The following CCDC146 variants were observed in gnomAD, a reference collection of about 807,000 sequenced individuals.
The protein encoded by CCDC146 is coiled-coil domain-containing protein 146.
CCDC146 carries 92 observed loss-of-function variants against 119.3 expected under a neutral mutation model. The ratio of observed to expected loss-of-function variants is 0.77; its 90% CI spans 0.65 to 0.92. The LOEUF (loss-of-function observed/expected upper bound fraction) is 0.92, where lower values mean the gene tolerates loss of function less well. CCDC146 is among the 40% of genes least tolerant of loss of function. The probability of loss-of-function intolerance (pLI) is 0.00; values close to 1 mark genes in which losing one functional copy is unlikely to be tolerated. For synonymous variants in CCDC146, 372 were observed against 371.8 expected (o/e 1.00, Z -0.01); for missense variants, 1,000 against 1,103.0 (o/e 0.91, Z 1.32).
intron 2 of CCDC146, among the ~76,000 whole-genome samples, chr7:77,203,815 A>G (rs1013526572): frequency 3.9e-5 from 6 of 152,152 alleles, no homozygotes; most frequent in Non-Finnish European, 8.8e-5. Context: ...TTTTAGATTT[A>G]AGCAAATTAT....
chr7:77,224,640 CA>C (rs1792470686), intron 2 of CCDC146, among the ~76,000 whole-genome samples: 1 of 152,128 alleles, frequency 6.6e-6, no homozygotes. Context: ...ATTACAGAAC[CA>C]AAAGCATCAT....
rs1791244809 is a variant in CCDC146, at chr7:77,160,510, T to C, written c.-11-7148T>C. 7.9e-5 allele frequency among the ~76,000 whole-genome samples: 12 copies of C among 152,180 alleles called. No homozygotes were observed. In the South Asian group the frequency reaches 2.5e-3, roughly 32 times the overall value. On this transcript the variant is annotated intron_variant, in intron 1 of 18. Coordinates refer to ENST00000285871, the MANE Select transcript of CCDC146 (RefSeq NM_020879.3). ...GTCCCTTGTAAGTTGGATTCCTAGGTATTTTATTCTCTTTGAAGCAATTGT... is the reference window on the plus strand; with the variant it reads ...GTCCCTTGTAAGTTGGATTCCTAGGCATTTTATTCTCTTTGAAGCAATTGT...
chr7:77,230,881 G>A (rs1388186007), intron 2 of CCDC146, among the ~76,000 whole-genome samples: 1 of 152,108 alleles, frequency 6.6e-6, no homozygotes, highest in Non-Finnish European at 1.5e-5. Context: ...CTGTTTGTGT[G>A]TCTTCATGCT....
At chr7:77,189,337 G>C (rs1465308719) in intron 2 of CCDC146, among the ~76,000 whole-genome samples, 2 of 152,056 alleles carry the variant, frequency 1.3e-5, no homozygotes, top group Non-Finnish European at 2.9e-5. Flanking sequence ...GCTGACCTTT[G>C]ATCAGCAAAT....
chr7:77,254,754 C>T (rs1793145747), intron 5 of CCDC146, among the ~76,000 whole-genome samples, 191 bp downstream of exon 5: 1 of 152,150 alleles, frequency 6.6e-6, no homozygotes, highest in African/African-American at 2.4e-5. Flanking sequence ...CTATTATAGA[C>T]TTTAGCAACT....
At chr7:77,185,353 G>A (rs532690703) in intron 2 of CCDC146, among the ~76,000 whole-genome samples, 9 of 152,098 alleles carry the variant, frequency 5.9e-5, no homozygotes, top group Non-Finnish European at 8.8e-5. Flanking sequence ...TTTGTGGACC[G>A]TTTGATAAAC....
At position 77,274,707 on chromosome 7, in the gene CCDC146, C is replaced by T. The variant is rs1259624009; in HGVS notation, c.1440+55C>T. On this transcript the variant is annotated intron_variant, in intron 11 of 18. Transcript: ENST00000285871. ...TAACTACAAGAGTTCAGGGTAGCCT[C>T]ATTATAATGCCACGTGCATTAGGAC... 5 of 1,355,636 alleles carry T rather than the reference C, an allele frequency of 3.7e-6. No homozygotes were observed. The African/African-American group carries it at 5.9e-5, about 16-fold the overall frequency. 84.0% of individuals were successfully genotyped at this position (1,355,636 alleles called of 1,614,324 possible). A position where few individuals can be genotyped will look rare whatever the true frequency, so the allele number is the denominator to read the frequency against.
intron 2 of CCDC146, among the ~76,000 whole-genome samples, chr7:77,173,175 C>T (rs1252323273): frequency 6.6e-6 from 1 of 151,968 alleles, no homozygotes; most frequent in South Asian, 2.1e-4. Context: ...TGGAACAAAC[C>T]TGCACATTCT....
At chr7:77,193,195 T>C (rs1386101245) in intron 2 of CCDC146, among the ~76,000 whole-genome samples, 1 of 152,190 alleles carries the variant, frequency 6.6e-6, no homozygotes, top group African/African-American at 2.4e-5. Context: ...ACTGAAACTT[T>C]TGTATTTCAA....
intron 4 of CCDC146, 99 bp downstream of exon 4, chr7:77,241,999 C>A: frequency 1.2e-6 from 1 of 860,188 alleles, no homozygotes; most frequent in Non-Finnish European, 1.8e-6. Context: ...TAGGAGATAG[C>A]AGTACGATGA....
intron 1 of CCDC146, among the ~76,000 whole-genome samples, chr7:77,147,115 A>G (rs189640606): frequency 2.8e-4 from 43 of 151,912 alleles, no homozygotes; most frequent in African/African-American, 9.9e-4. Flanking sequence ...GTTTCTTTTT[A>G]CTCTTTTTTC....
chr7:77,253,704 T>C (rs993824690), intron 4 of CCDC146, among the ~76,000 whole-genome samples: 1 of 152,208 alleles, frequency 6.6e-6, no homozygotes, highest in African/African-American at 2.4e-5. Flanking sequence ...TGATGAATAC[T>C]GTATAGAAAA....
chr7:77,198,946 G>C, intron 2 of CCDC146: 1 of 538,824 alleles, frequency 1.9e-6, no homozygotes, highest in Non-Finnish European at 3.2e-6. Context: ...TAACAAATAA[G>C]ATCTTAAAAT....
At chr7:77,252,002 A>G (rs1344138172) in intron 4 of CCDC146, among the ~76,000 whole-genome samples, 1 of 152,116 alleles carries the variant, frequency 6.6e-6, no homozygotes, top group Non-Finnish European at 1.5e-5. Context: ...TACAAATATT[A>G]GCTGGACGTG....
chr7:77,258,424 G>A (rs1170441146), intron 6 of CCDC146, among the ~76,000 whole-genome samples: 1 of 152,204 alleles, frequency 6.6e-6, no homozygotes, highest in South Asian at 2.1e-4. Flanking sequence ...TGTGAAAGCA[G>A]TATGCATTTA....
chr7:77,134,072 G>C (rs3114333), intron 1 of CCDC146, among the ~76,000 whole-genome samples: 30,209 of 151,750 alleles, frequency 0.2, 3,312 homozygotes, highest in Non-Finnish European at 0.21. Flanking sequence ...AAAAGTTGGC[G>C]CTCTTTACTG....
chr7:77,183,012 C>T (rs1316041356), intron 2 of CCDC146, among the ~76,000 whole-genome samples: 2 of 152,062 alleles, frequency 1.3e-5, no homozygotes, highest in African/African-American at 4.8e-5. Context: ...CTCAACACAG[C>T]CTAAAGGAAA....
intron 2 of CCDC146, among the ~76,000 whole-genome samples, chr7:77,184,721 T>G (rs1791637707): frequency 6.6e-6 from 1 of 152,212 alleles, no homozygotes; most frequent in Non-Finnish European, 1.5e-5. Flanking sequence ...TTGCCCTTTC[T>G]GTCATGGTTG....
chr7:77,237,318 C>A (rs1231356671), intron 3 of CCDC146, among the ~76,000 whole-genome samples: 1 of 152,168 alleles, frequency 6.6e-6, no homozygotes, highest in Non-Finnish European at 1.5e-5. Flanking sequence ...CAGCACTCTC[C>A]CACTGAAGAG....
Sources: gnomAD v4.1 joint callset for allele counts (sites outside exome capture counted in the v4.1 genomes callset) on GRCh38, gnomAD v4.1.1 for gene constraint, MANE v1.5 for transcripts, NCBI Gene and HGNC (gene_info 2026-07-23, HGNC 2026-07-21) for gene names.